The following CD96 variants were observed in gnomAD, a reference collection of about 807,000 sequenced individuals.
CD96 encodes CD96 molecule.
Under a neutral mutation model 71.3 loss-of-function variants are expected in CD96, and 70 were observed. That is an observed-to-expected ratio of 0.98 (90% CI 0.81 to 1.20). The LOEUF is 1.20. Ranked by LOEUF, CD96 falls within the 50% of genes most tolerant of loss-of-function variation. CD96 has a pLI of 0.00. For synonymous variants in CD96, 248 were observed against 233.0 expected, an observed-to-expected ratio of 1.06 and a Z score of -0.59; for missense variants, 742 against 677.5, an observed-to-expected ratio of 1.10 and a Z score of -1.06.
At chr3:111,604,276 A>G (rs1280175272) in intron 7 of CD96, among the ~76,000 whole-genome samples, 1 of 152,174 alleles carries the variant, frequency 6.6e-6, no homozygotes, top group Non-Finnish European at 1.5e-5. Context: ...ACACCCAGGA[A>G]CAGATGAAGT....
At position 111,591,719 on chromosome 3, in the gene CD96, C is replaced by A. The variant is rs1936998007; in HGVS notation, c.807+6341C>A. Among the ~76,000 whole-genome samples the A allele has an allele frequency of 2.6e-5, 4 of 152,286 alleles. No homozygotes were observed. In the South Asian group the frequency reaches 8.3e-4, roughly 32 times the overall value. The stretch of plus-strand genomic sequence containing the variant: ...GAGAAGGTTCTAAAAGGGCATCATA[C>A]CTCTGTGGGGAGACCACATGACAAA... On this transcript the variant is annotated intron_variant, in intron 5 of 13. Coordinates refer to ENST00000352690, the MANE Select transcript of CD96 (RefSeq NM_005816.5).
At chr3:111,645,328 G>A (rs971269122) in intron 12 of CD96, among the ~76,000 whole-genome samples, 37 of 152,018 alleles carry the variant, frequency 2.4e-4, no homozygotes, top group Non-Finnish European at 1.5e-5. Flanking sequence ...CTATGAGGAC[G>A]CAAAGACATA....
At chr3:111,584,253 G>A (rs1438389094) in intron 4 of CD96, among the ~76,000 whole-genome samples, 2 of 152,106 alleles carry the variant, frequency 1.3e-5, no homozygotes, top group East Asian at 3.9e-4. Context: ...CTCTATCTGA[G>A]ACCACTTCAG....
At chr3:111,663,938 G>A (rs1940417975) in intron 14 of CD96, among the ~76,000 whole-genome samples, 1 of 152,082 alleles carries the variant, frequency 6.6e-6, no homozygotes, top group Non-Finnish European at 1.5e-5. Context: ...TTTTAGTAGA[G>A]ATGGGGTTTC....
At chr3:111,600,419 C>G (rs1391484159) in intron 6 of CD96, among the ~76,000 whole-genome samples, 2 of 152,228 alleles carry the variant, frequency 1.3e-5, no homozygotes, top group Non-Finnish European at 1.5e-5. Flanking sequence ...TCACAGTTGT[C>G]AACACACAAT....
intron 5 of CD96, chr3:111,593,619 C>T (rs1449294163): frequency 6.3e-7 from 1 of 1,590,220 alleles, no homozygotes; most frequent in Non-Finnish European, 8.6e-7. Context: ...TCAGCCCTCA[C>T]CTTCCACTTC....
chr3:111,661,469 G>A (rs111277908), intron 14 of CD96, among the ~76,000 whole-genome samples: 8,529 of 152,302 alleles, frequency 0.056, 303 homozygotes, highest in South Asian at 0.095. Context: ...AGTCTCATCT[G>A]AGACAAGGCG....
intron 8 of CD96, among the ~76,000 whole-genome samples, chr3:111,609,713 A>C (rs572974492): frequency 2.0e-5 from 3 of 152,200 alleles, no homozygotes; most frequent in African/African-American, 7.2e-5. Flanking sequence ...CAGGGGGGAA[A>C]AATGCCACCT....
Position 111,585,488 on chromosome 3 carries a change from C to T in CD96, c.807+110C>T, listed in dbSNP as rs934213288. 8.9e-5 allele frequency: 65 copies of T among 728,256 alleles called. No individual in the cohort carries two copies. The African/African-American group carries it at 1.0e-3, about 12-fold the overall frequency. 45.1% of individuals were successfully genotyped at this position (728,256 alleles called of 1,614,324 possible). A position where few individuals can be genotyped will look rare whatever the true frequency, so the allele number is the denominator to read the frequency against. ...AAGAACTTTACTCCTTGGCCCTTGA[C>T]CAATTAACTGCTAATAGGGATGAAG... On this transcript the variant is annotated intron_variant, in intron 5 of 13. Coordinates refer to ENST00000352690, the MANE Select transcript of CD96 (RefSeq NM_005816.5).
intron 8 of CD96, among the ~76,000 whole-genome samples, chr3:111,613,938 A>G (rs1258491408): frequency 1.3e-5 from 2 of 152,224 alleles, no homozygotes; most frequent in African/African-American, 4.8e-5. Context: ...TTAGCAAAGA[A>G]TAATTTTTAC....
intron 5 of CD96, 105 bp downstream of exon 5, chr3:111,585,483 C>G: frequency 2.7e-6 from 2 of 752,318 alleles, no homozygotes; most frequent in South Asian, 2.8e-5. Context: ...CTCCTTGGCC[C>G]TTGACCAATT....
At chr3:111,575,688 G>A (rs758823205) in intron 3 of CD96, among the ~76,000 whole-genome samples, 1 of 152,226 alleles carries the variant, frequency 6.6e-6, no homozygotes, top group Non-Finnish European at 1.5e-5. Context: ...CCAAAATCAA[G>A]GTGCCAGCAA....
At chr3:111,648,881 A>G (rs1034886382) in intron 13 of CD96, among the ~76,000 whole-genome samples, 5 of 152,238 alleles carry the variant, frequency 3.3e-5, no homozygotes, top group African/African-American at 1.2e-4. Context: ...GCATTTGTAT[A>G]GCTAAATTCC....
intron 2 of CD96, among the ~76,000 whole-genome samples, chr3:111,550,425 G>T (rs899405646): frequency 1.3e-5 from 2 of 151,966 alleles, no homozygotes; most frequent in African/African-American, 4.8e-5. Context: ...GGTGGTGGTG[G>T]TTTCAATTAA....
chr3:111,563,853 T>C (rs929709729), intron 2 of CD96, among the ~76,000 whole-genome samples: 3 of 152,214 alleles, frequency 2.0e-5, no homozygotes, highest in South Asian at 2.1e-4. Context: ...TATTGGAGAA[T>C]CCTCAGGAAA....
chr3:111,597,994 C>G, intron 5 of CD96, 126 bp from the exon 6 acceptor site: 1 of 704,370 alleles, frequency 1.4e-6, no homozygotes, highest in East Asian at 2.5e-5. Context: ...GTAGACATTG[C>G]CTTCTATTTA....
chr3:111,555,417 G>A (rs1225992922), intron 2 of CD96, among the ~76,000 whole-genome samples: 1 of 152,268 alleles, frequency 6.6e-6, no homozygotes, highest in Non-Finnish European at 1.5e-5. Context: ...AAATCTACTT[G>A]CAATGAATTC....
intron 8 of CD96, among the ~76,000 whole-genome samples, chr3:111,618,081 G>A (rs1014697129): frequency 2.0e-5 from 3 of 152,230 alleles, no homozygotes; most frequent in African/African-American, 7.2e-5. Flanking sequence ...CCCTGCCTCA[G>A]CAGCCAGTGT....
At chr3:111,556,666 C>T (rs1228402623) in intron 2 of CD96, among the ~76,000 whole-genome samples, 9 of 138,352 alleles carry the variant, frequency 6.5e-5, no homozygotes, top group Admixed American at 1.4e-4. Flanking sequence ...AATAAACATA[C>T]GTGTGCATGT....
Sources: allele counts gnomAD v4.1 joint callset (sites outside exome capture counted in the v4.1 genomes callset), GRCh38; gene constraint gnomAD v4.1.1; transcripts MANE v1.5; gene names NCBI Gene and HGNC (gene_info 2026-07-23, HGNC 2026-07-21).